Variants in USP4 observed in about 807,000 individuals in gnomAD.
The protein encoded by USP4 is ubiquitin specific peptidase 4, also known as ubiquitin carboxyl-terminal hydrolase 4.
A neutral mutation model predicts 118.2 loss-of-function variants in USP4; 72 were observed. The observed-to-expected ratio is 0.61, with a 90% CI of 0.50 to 0.74. The LOEUF (loss-of-function observed/expected upper bound fraction) is 0.74. USP4 is among the 30% of genes least tolerant of loss of function. USP4 has a pLI of 0.00. For missense variants in USP4, 1,037 were observed against 1,185.7 expected (o/e 0.87, Z 1.84); for synonymous variants, 415 against 440.4 (o/e 0.94, Z 0.72).
intron 19 of USP4, among the ~76,000 whole-genome samples, chr3:49,283,043 G>A (rs1316311320): frequency 9.5e-6 from 1 of 104,872 alleles, no homozygotes; most frequent in African/African-American, 3.9e-5. Context: ...TTGAGATAGA[G>A]TCTCGCTCTG....
At chr3:49,304,659 G>C (rs1190259193) in intron 9 of USP4, among the ~76,000 whole-genome samples, 2 of 152,064 alleles carry the variant, frequency 1.3e-5, no homozygotes, top group Non-Finnish European at 2.9e-5. Context: ...CACAATCACA[G>C]CTCACTGCAG....
intron 1 of USP4, among the ~76,000 whole-genome samples, chr3:49,337,830 G>C (rs536619736): frequency 6.6e-6 from 1 of 150,958 alleles, no homozygotes; most frequent in African/African-American, 2.4e-5. Context: ...GGTGGATCAC[G>C]AGGTCAGGAG....
intron 6 of USP4, chr3:49,316,705 C>T (rs2047440384): frequency 3.5e-6 from 1 of 282,060 alleles, no homozygotes; most frequent in Non-Finnish European, 6.7e-6. Context: ...AGGGGTGAGC[C>T]CTGAGGTTTG....
chr3:49,295,714 G>GCGCGCACA (rs149459963), intron 13 of USP4, among the ~76,000 whole-genome samples: 12 of 148,318 alleles, frequency 8.1e-5, no homozygotes, highest in African/African-American at 2.6e-4. Flanking sequence ...GCGCGCGCGC[G>GCGCGCACA]CACACACACA....
rs1326475375 is a variant in USP4 at position 49,306,200 on chromosome 3, G to GT, written c.955-313dup. ...ATAATTCTTATTTAATGAAAAAAGT[G>GT]TTTTTTTTTGTTTTTTTTTTTTTTG... is the stretch of plus-strand genomic sequence containing the variant. On this transcript the variant is annotated intron_variant, in intron 8 of 21. Transcript: ENST00000265560. Among the ~76,000 whole-genome samples the GT allele has an allele frequency of 1.5e-3, 216 of 143,930 alleles. 2 individuals are homozygous for GT. Among genetic ancestry groups the GT allele is most frequent in the African/African-American group, 4.2e-3 (159 of 37,602 alleles). The allele number at this position is 143,930 out of a possible 152,430, so 94.4% of individuals were successfully genotyped here. A position where few individuals can be genotyped will look rare whatever the true frequency, so the allele number is the denominator to read the frequency against.
chr3:49,305,842 T>G lies in USP4; in HGVS notation c.1001A>C (p.Glu334Ala). ...APLTDYFLKD[E>A]YEAEINRDNP... ...GTCTCTGTTGATTTCGGCTTCATAC[T>G]CATCTTTGAGAAAGTAGTCAGTCAG... is the stretch of plus-strand genomic sequence containing the variant. Residue 334 changes from glutamate to alanine, a missense_variant, in exon 9 of 22, where the codon GAG becomes GCG. Physicochemically the swap from Glu to Ala is moderately radical, Grantham distance 107. Coordinates refer to ENST00000265560, the MANE Select transcript of USP4 (RefSeq NM_003363.4). 1.9e-6 allele frequency: 3 copies of G among 1,614,084 alleles called. No homozygotes were observed. The highest frequency in any genetic ancestry group is 2.5e-6 in the Non-Finnish European group (3 of 1,179,996).
chr3:49,335,207 ATAGC>A (rs1226654680), intron 2 of USP4, among the ~76,000 whole-genome samples: 1 of 152,224 alleles, frequency 6.6e-6, no homozygotes, highest in Non-Finnish European at 1.5e-5. Context: ...AAAATGTGAA[ATAGC>A]TAGCAGAACT....
At chr3:49,287,647 AT>A (rs900298707) in intron 15 of USP4, among the ~76,000 whole-genome samples, 2 of 151,574 alleles carry the variant, frequency 1.3e-5, no homozygotes, top group African/African-American at 4.9e-5. Flanking sequence ...TAATTTTTGT[AT>A]TTTTAGTAGA....
chr3:49,327,562 A>G (rs2047569917), intron 3 of USP4, 124 bp downstream of exon 3: 5 of 1,025,710 alleles, frequency 4.9e-6, no homozygotes, highest in Non-Finnish European at 7.0e-6. Flanking sequence ...ATCCAGAAAC[A>G]AGGCCTCAAG....
At position 49,317,298 on chromosome 3, in the gene USP4, G is replaced by A. The variant is rs751659042; in HGVS notation, c.696-5644C>T. The A allele has an allele frequency of 4.7e-6, 7 of 1,479,052 alleles. No individual in the cohort carries two copies. In the East Asian group the frequency reaches 1.6e-4, roughly 35 times the overall value. The allele number at this position is 1,479,052 out of a possible 1,614,324, so 91.6% of individuals were successfully genotyped here. Reference sequence around the variant, plus strand: ...CGCGGGCCAGCTTCTCGTTGACGCAGGCCAGCTTCTCTGTCAGCTGCCTCA... The same window carrying A: ...CGCGGGCCAGCTTCTCGTTGACGCAAGCCAGCTTCTCTGTCAGCTGCCTCA... On this transcript the variant is annotated intron_variant, in intron 6 of 21. Transcript: ENST00000265560.
At chr3:49,300,412 G>A in intron 11 of USP4, 55 bp downstream of exon 11, 1 of 1,532,424 alleles carries the variant, frequency 6.5e-7, no homozygotes, top group South Asian at 1.1e-5. Context: ...CAGTCCCACT[G>A]GGATCTGGAG....
intron 2 of USP4, among the ~76,000 whole-genome samples, chr3:49,332,276 T>G (rs1174683317): frequency 3.3e-5 from 5 of 151,596 alleles, no homozygotes; most frequent in Admixed American, 1.3e-4. Flanking sequence ...GACTCTGTCT[T>G]ACAAAACAAA....
At chr3:49,305,620 A>G in intron 9 of USP4, 95 bp downstream of exon 9, 3 of 1,224,332 alleles carry the variant, frequency 2.5e-6, no homozygotes, top group Non-Finnish European at 3.3e-6. Flanking sequence ...ATACCATAAA[A>G]AAAAATCCTA....
At position 49,277,251 on chromosome 3, in the gene USP4, A is replaced by C. The variant is rs2046972950; in HGVS notation, c.*1042T>G. On this transcript the variant is annotated 3_prime_UTR_variant, in exon 22 of 22. Coordinates refer to ENST00000265560, the MANE Select transcript of USP4 (RefSeq NM_003363.4). ...TGCGCGTGCCCCGCGCAGGCCCCAA[A>C]CCCCCACGGATTAGGTTGAAGGTCA... 5 of 1,300,304 alleles carry C rather than the reference A, an allele frequency of 3.8e-6. No individual in the cohort carries two copies. Among genetic ancestry groups the C allele is most frequent in the Non-Finnish European group, 1.0e-6 (1 of 996,020 alleles). 80.5% of individuals were successfully genotyped at this position (1,300,304 alleles called of 1,614,324 possible). A position where few individuals can be genotyped will look rare whatever the true frequency, so the allele number is the denominator to read the frequency against.
chr3:49,295,331 T>A, intron 13 of USP4, among the ~76,000 whole-genome samples: 1 of 133,862 alleles, frequency 7.5e-6, no homozygotes, highest in East Asian at 2.2e-4. Flanking sequence ...TTGAGTGCCC[T>A]GCCCTTTAAT....
rs147724381 is a variant in USP4 at position 49,300,517 on chromosome 3, C to T, written c.1462G>A (p.Val488Ile). 5.3e-5 allele frequency: 86 copies of T among 1,614,052 alleles called. 1 individual carries two copies. Among genetic ancestry groups the T allele is most frequent in the Non-Finnish European group, 7.1e-5 (84 of 1,180,054 alleles). The stretch of plus-strand genomic sequence containing the variant: ...GCAGGAACCAGGAAAACCTCCATAA[C>T]TCGATCTTTCTTCAAGGGCAGTGGC... ...TLPLPLKKDR[V>I]MEVFLVPADP... The change falls in exon 11 of 22, where the codon GTT becomes ATT. Residue 488 changes from valine to isoleucine, a missense_variant. By Grantham distance (29) the Val-to-Ile change is conservative (BLOSUM62 3). Around this residue, in one of 3 missense-constraint regions of USP4, gnomAD observed 522 missense variants for 592.6 expected, o/e 0.88. Coordinates refer to ENST00000265560, the MANE Select transcript of USP4 (RefSeq NM_003363.4).
At position 49,278,141 on chromosome 3, in the gene USP4, T is replaced by C; in HGVS notation, c.*152A>G. ...ATAGCTTCTTCTAGGTAAACGGTCTTCTTTTTTTTTTTTTGTTTCCTTCTG... is the reference window on the plus strand; with the variant it reads ...ATAGCTTCTTCTAGGTAAACGGTCTCCTTTTTTTTTTTTTGTTTCCTTCTG... On this transcript the variant is annotated 3_prime_UTR_variant, in exon 22 of 22. Transcript: ENST00000265560. 1 of 788,536 alleles carries C rather than the reference T, an allele frequency of 1.3e-6. No homozygotes were observed. The highest frequency in any genetic ancestry group is 1.7e-6 in the Non-Finnish European group (1 of 580,044). 48.8% of individuals were successfully genotyped at this position (788,536 alleles called of 1,614,324 possible).
intron 6 of USP4, chr3:49,312,692 T>TG (rs1339048620): frequency 1.6e-5 from 5 of 315,164 alleles, no homozygotes; most frequent in Non-Finnish European, 2.5e-5. Context: ...CTGGGGAGGC[T>TG]GAGGGGCAGG....
chr3:49,311,816 G>C, intron 6 of USP4, 162 bp from the exon 7 acceptor site: 1 of 1,338,176 alleles, frequency 7.5e-7, no homozygotes, highest in South Asian at 1.6e-5. Flanking sequence ...CTTTATTTAA[G>C]TGAGAGTCCA....
Sources: allele counts gnomAD v4.1 joint callset (sites outside exome capture counted in the v4.1 genomes callset), GRCh38; gene constraint gnomAD v4.1.1; regional missense constraint gnomAD v4.1.1; transcripts MANE v1.5; gene names NCBI Gene and HGNC (gene_info 2026-07-23, HGNC 2026-07-21).